Variants in TSBP1 observed in about 807,000 individuals in gnomAD.
TSBP1 encodes testis expressed basic protein 1, also known as testis-expressed basic protein 1.
A neutral mutation model predicts 68.8 loss-of-function variants in TSBP1; 56 were observed. That is an observed-to-expected ratio of 0.81 (90% confidence interval 0.66 to 1.02). The LOEUF is 1.02. Ranked by LOEUF, TSBP1 falls within the 50% of genes least tolerant of loss-of-function variation. The pLI, the probability that TSBP1 is intolerant of heterozygous loss-of-function variation, is 0.00. For missense variants in TSBP1, 502 were observed against 641.2 expected (o/e 0.78, Z 2.34); for synonymous variants, 171 against 208.7 (o/e 0.82, Z 1.56).
chr6:32,315,707 A>G lies in TSBP1; in HGVS notation c.580+65T>C. The G allele has an allele frequency of 9.6e-7, 1 of 1,045,514 alleles. No homozygotes were observed. Among genetic ancestry groups the G allele is most frequent in the Non-Finnish European group, 1.4e-6 (1 of 733,094 alleles). 64.8% of individuals were successfully genotyped at this position (1,045,514 alleles called of 1,614,324 possible). A position where few individuals can be genotyped will look rare whatever the true frequency, so the allele number is the denominator to read the frequency against. ...AAATATGAGTCTCAATCTTTTGGATACTTAGAAGTGGAAACATCTAACATA... is the reference window on the plus strand; with the variant it reads ...AAATATGAGTCTCAATCTTTTGGATGCTTAGAAGTGGAAACATCTAACATA... On this transcript the variant is annotated intron_variant, in intron 19 of 22. Coordinates refer to ENST00000612031, the Ensembl canonical transcript of TSBP1. The surrounding 1 kb of genome is among the most constrained non-coding windows in gnomAD (Gnocchi z 5.4).
At chr6:32,323,727 T>G in intron 16 of TSBP1, 113 bp from the exon 18 acceptor site, 1 of 841,532 alleles carries the variant, frequency 1.2e-6, no homozygotes. Flanking sequence ...AACTTTCCCT[T>G]TGGTATTCAT....
At chr6:32,352,139 T>C (rs1771783601) in intron 8 of TSBP1, among the ~76,000 whole-genome samples, 1 of 151,848 alleles carries the variant, frequency 6.6e-6, no homozygotes, top group South Asian at 2.1e-4. Flanking sequence ...GGGCAAGAAA[T>C]AGAAGAGAAA....
intron 20 of TSBP1, among the ~76,000 whole-genome samples, chr6:32,301,383 C>G (rs918880518): frequency 2.0e-5 from 3 of 152,018 alleles, no homozygotes; most frequent in Non-Finnish European, 4.4e-5. Context: ...ATAGGTATAT[C>G]TCTTGTGTTG....
rs138803851 is a variant in TSBP1 at position 32,335,459 on chromosome 6, T to TA, written c.452-3dup. 0.15 allele frequency: 189,877 copies of TA among 1,285,784 alleles called. 6,599 individuals carry two copies. The highest frequency in any genetic ancestry group is 0.31 in the East Asian group (10,671 of 33,990). 79.6% of individuals were successfully genotyped at this position (1,285,784 alleles called of 1,614,324 possible). On this transcript the variant is annotated splice_polypyrimidine_tract_variant and splice_region_variant and intron_variant, in intron 13 of 22. Transcript: ENST00000612031. The surrounding 1 kb of genome is among the most constrained non-coding windows in gnomAD (Gnocchi z 5.5). Reference sequence around the variant, plus strand: ...TACCAATGGTTTTTTGAGAGAGCTCTAAAAAAAAAAGAGAAAAGAAATCAG... The same window carrying TA: ...TACCAATGGTTTTTTGAGAGAGCTCTAAAAAAAAAAAGAGAAAAGAAATCAG...
Position 32,325,912 on chromosome 6 carries a change from G to A in TSBP1, c.515-2298C>T. ...TTGTGGTGGCTTTGGTGGCAGCTGT[G>A]GTGGTGGTGGATATGGTGGCAGTGA... is the stretch of plus-strand genomic sequence containing the variant. On this transcript the variant is annotated intron_variant, in intron 16 of 22. Coordinates refer to ENST00000612031, the Ensembl canonical transcript of TSBP1. This position sits in a 1 kb window ranked among gnomAD's most constrained non-coding sequence, Gnocchi z 4.4. The A allele has an allele frequency of 2.6e-6, 4 of 1,537,624 alleles. No individual in the cohort carries two copies. Among genetic ancestry groups the A allele is most frequent in the Non-Finnish European group, 3.5e-6 (4 of 1,127,266 alleles).
At position 32,343,495 on chromosome 6, in the gene TSBP1, G is replaced by A. The variant is rs532116317; in HGVS notation, c.350-3857C>T. ...AGCTTTACTATATTTCCAATATTCT[G>A]ATTTCATTCACCACCTTTCTCCTGT... On this transcript the variant is annotated intron_variant, in intron 9 of 22. Coordinates refer to ENST00000612031, the Ensembl canonical transcript of TSBP1. The surrounding 1 kb of genome is among the most constrained non-coding windows in gnomAD (Gnocchi z 4.3). Among the ~76,000 whole-genome samples the A allele has an allele frequency of 9.2e-5, 14 of 152,122 alleles. No individual in the cohort carries two copies. The highest frequency in any genetic ancestry group is 1.6e-4 in the Non-Finnish European group (11 of 68,032).
chr6:32,369,373 A>ATTTTTTTTTTTTTTTTTTT lies in TSBP1; in HGVS notation c.100+523_100+524insAAAAAAAAAAAAAAAAAAA, dbSNP rs9281761. On this transcript the variant is annotated intron_variant, in intron 2 of 22. Transcript: ENST00000612031. ...CTTATTACTTTTGCTAAACTCTGTGATTTTTTTTTTTTTTTGAGATGGAGT... is the reference window on the plus strand; with the variant it reads ...CTTATTACTTTTGCTAAACTCTGTGATTTTTTTTTTTTTTTTTTTTTTTTTTTTTTTTTTGAGATGGAGT... Among the ~76,000 whole-genome samples, 89 of 126,990 alleles carry ATTTTTTTTTTTTTTTTTTT rather than the reference A, an allele frequency of 7.0e-4. 3 individuals carry two copies. The highest frequency in any genetic ancestry group is 5.2e-3 in the East Asian group (23 of 4,386). The allele number at this position is 126,990 out of a possible 152,430, so 83.3% of individuals were successfully genotyped here. A position where few individuals can be genotyped will look rare whatever the true frequency, so the allele number is the denominator to read the frequency against.
In TSBP1 at chr6:32,349,740, C is replaced by G. The variant is rs146912123; in HGVS notation, c.349G>C (p.Gly117Arg). 262 of 1,574,358 alleles carry G rather than the reference C, an allele frequency of 1.7e-4. No homozygotes were observed. In the African/African-American group the frequency reaches 1.7e-3, roughly 10 times the overall value. ...ATTGAAGAAAAGTAAAGGAACTTAC[C>G]AATACTTGATCGAGACAGTGCTAAA... Residue 117 changes from glycine to arginine, a missense_variant and splice_region_variant, in exon 9 of 23, where the codon GGT becomes CGT. Gly to Arg is a moderately radical substitution (Grantham distance 125). Transcript: ENST00000612031.
rs1241237254 is a variant in TSBP1 at position 32,370,407 on chromosome 6, G to GTGTGTGTGTGTATATA, written c.14-425_14-424insTATATACACACACACA. 7.3e-3 allele frequency among the ~76,000 whole-genome samples: 960 copies of GTGTGTGTGTGTATATA among 130,632 alleles called. 20 individuals carry two copies. The highest frequency in any genetic ancestry group is 0.011 in the Non-Finnish European group (690 of 60,988). The allele number at this position is 130,632 out of a possible 152,430, so 85.7% of individuals were successfully genotyped here. Reference sequence around the variant, plus strand: ...TACCTTTAAAGTTGCAAGATTTTCTGTATATATATATATATATATATATAT... The same window carrying GTGTGTGTGTGTATATA: ...TACCTTTAAAGTTGCAAGATTTTCTGTGTGTGTGTGTATATATATATATATATATATATATATATAT... On this transcript the variant is annotated intron_variant, in intron 1 of 22. Coordinates refer to ENST00000612031, the Ensembl canonical transcript of TSBP1.
rs1323385394 is a variant in TSBP1 at position 32,336,338 on chromosome 6, T to C, written c.430+277A>G. Among the ~76,000 whole-genome samples, 1 of 152,224 alleles carries C rather than the reference T, an allele frequency of 6.6e-6. No individual in the cohort carries two copies. Among genetic ancestry groups the C allele is most frequent in the East Asian group, 1.9e-4 (1 of 5,206 alleles). On this transcript the variant is annotated intron_variant, in intron 12 of 22. Transcript: ENST00000612031. This position sits in a 1 kb window ranked among gnomAD's most constrained non-coding sequence, Gnocchi z 5.2. ...GGCTGTTTTGGTTTATATTTTTAAA[T>C]GTTAGCCTGTGAGATTTCTTAACAC... is the stretch of plus-strand genomic sequence containing the variant.
At chr6:32,370,825 C>T (rs2127670326) in intron 1 of TSBP1, among the ~76,000 whole-genome samples, 1 of 118,228 alleles carries the variant, frequency 8.5e-6, no homozygotes, top group South Asian at 3.5e-4. Flanking sequence ...AGGGCAGTGG[C>T]TATGAAGGAT....
At position 32,321,407 on chromosome 6, in the gene TSBP1, A is replaced by G. The variant is rs1347683506; in HGVS notation, c.559+1710T>C. ...CTCTGAAAAGGACACTATGCCTTCA[A>G]TTTGGATTTTGGCTTGTAATTTCTA... On this transcript the variant is annotated intron_variant, in intron 18 of 22. Coordinates refer to ENST00000612031, the Ensembl canonical transcript of TSBP1. The surrounding 1 kb of genome is among the most constrained non-coding windows in gnomAD (Gnocchi z 4.3). 6.6e-6 allele frequency among the ~76,000 whole-genome samples: 1 copy of G among 152,094 alleles called. No individual in the cohort carries two copies. The highest frequency in any genetic ancestry group is 2.4e-5 in the African/African-American group (1 of 41,422).
rs761669331 is a variant in TSBP1, at chr6:32,367,912, C to G, written c.166+13G>C. The stretch of plus-strand genomic sequence containing the variant: ...TCCTTCATTAACTGTCTAGTAGTTC[C>G]TAATCTATTTACCTCTACCATCCTC... On this transcript the variant is annotated intron_variant, in intron 4 of 22. Coordinates refer to ENST00000612031, the Ensembl canonical transcript of TSBP1. 1.9e-6 allele frequency: 3 copies of G among 1,597,180 alleles called. No homozygotes were observed. In the Admixed American group the frequency reaches 5.0e-5, roughly 27 times the overall value.
In TSBP1 at chr6:32,338,955, T is replaced by C; in HGVS notation, c.409+24A>G. ...TTTAGTAAAGCAAAGCACATGAGAA[T>C]TAAAGGGCAGAAAAAGAACTTACTC... On this transcript the variant is annotated intron_variant, in intron 11 of 22. Transcript: ENST00000612031. This position sits in a 1 kb window ranked among gnomAD's most constrained non-coding sequence, Gnocchi z 5.5. 1 of 1,593,076 alleles carries C rather than the reference T, an allele frequency of 6.3e-7. No individual in the cohort carries two copies. The highest frequency in any genetic ancestry group is 1.3e-5 in the African/African-American group (1 of 74,450).
chr6:32,325,338 C>T lies in TSBP1; in HGVS notation c.515-1724G>A. On this transcript the variant is annotated intron_variant, in intron 16 of 22. Transcript: ENST00000612031. The surrounding 1 kb of genome is among the most constrained non-coding windows in gnomAD (Gnocchi z 4.4). ...GCCATTTTGAGCAGTGAGGGACACT[C>T]CCGGACAGTGTGGTCATGAGAGATC... 9.2e-7 allele frequency: 1 copy of T among 1,089,368 alleles called. No homozygotes were observed. The highest frequency in any genetic ancestry group is 1.4e-6 in the Non-Finnish European group (1 of 719,180). 67.5% of individuals were successfully genotyped at this position (1,089,368 alleles called of 1,614,324 possible). A position where few individuals can be genotyped will look rare whatever the true frequency, so the allele number is the denominator to read the frequency against.
chr6:32,349,533 T>A (rs184389272), intron 9 of TSBP1: 26 of 539,406 alleles, frequency 4.8e-5, no homozygotes, highest in African/African-American at 4.4e-4. Context: ...GCTCTCTTCA[T>A]GTCATCATAA....
intron 18 of TSBP1, among the ~76,000 whole-genome samples, chr6:32,318,484 TATC>T (rs1234566746): frequency 6.6e-6 from 1 of 152,180 alleles, no homozygotes; most frequent in African/African-American, 2.4e-5. Context: ...TGATACTACT[TATC>T]ATAATATTTC....
Position 32,310,761 on chromosome 6 carries a change from A to ATATATATATATATATTTTTTTTT in TSBP1, c.580+5010_580+5011insAAAAAAAAATATATATATATATA. ...TATATATACATATATATATATATATATTTTTAATCTTTTTAGAAAGGATAG... is the reference window on the plus strand; with the variant it reads ...TATATATACATATATATATATATATATATATATATATATATTTTTTTTTTTTTTAATCTTTTTAGAAAGGATAG... On this transcript the variant is annotated intron_variant, in intron 19 of 22. Transcript: ENST00000612031. Among the ~76,000 whole-genome samples the ATATATATATATATATTTTTTTTT allele has an allele frequency of 4.1e-5, 6 of 144,828 alleles. No individual in the cohort carries two copies. The East Asian group carries it at 1.2e-3, about 29-fold the overall frequency.
In TSBP1 at chr6:32,361,633, A is replaced by T. The variant is rs893126939; in HGVS notation, c.217+4534T>A. ...TGCATTTCTCTGATGGCCAGTGATGATGAGTATTTTTTCATATGTCTGTTG... is the reference window on the plus strand; with the variant it reads ...TGCATTTCTCTGATGGCCAGTGATGTTGAGTATTTTTTCATATGTCTGTTG... On this transcript the variant is annotated intron_variant, in intron 6 of 22. Transcript: ENST00000612031. The surrounding 1 kb of genome is among the most constrained non-coding windows in gnomAD (Gnocchi z 4.3). Among the ~76,000 whole-genome samples, 1 of 151,928 alleles carries T rather than the reference A, an allele frequency of 6.6e-6. No homozygotes were observed. Among genetic ancestry groups the T allele is most frequent in the African/African-American group, 2.4e-5 (1 of 41,394 alleles).
Sources: gnomAD v4.1 joint callset for allele counts (sites outside exome capture counted in the v4.1 genomes callset) on GRCh38, gnomAD v4.1.1 for gene constraint, Gnocchi (gnomAD v3.1) non-coding constraint, MANE v1.5 for transcripts, NCBI Gene and HGNC (gene_info 2026-07-23, HGNC 2026-07-21) for gene names.